The following C13orf46 variants were observed in gnomAD, a reference collection of about 807,000 sequenced individuals.
The protein encoded by C13orf46 is chromosome 13 open reading frame 46, also known as uncharacterized protein C13orf46.
the C13orf46 span, among the ~76,000 whole-genome samples, chr13:113,935,665 A>C: frequency 6.6e-6 from 1 of 152,234 alleles, no homozygotes; most frequent in African/African-American, 2.4e-5. Flanking sequence ...CGGGTTACCC[A>C]CGGCAACCAT....
the C13orf46 span, among the ~76,000 whole-genome samples, chr13:113,936,507 C>A: frequency 1.3e-5 from 2 of 152,216 alleles, no homozygotes; most frequent in African/African-American, 4.8e-5. Flanking sequence ...CCCTTCCTCC[C>A]AGCACAGCCC....
At chr13:113,945,498 C>G in the C13orf46 span, among the ~76,000 whole-genome samples, 1 of 150,352 alleles carries the variant, frequency 6.7e-6, no homozygotes, top group Non-Finnish European at 1.5e-5. Flanking sequence ...TGAGCCGAGA[C>G]TGCGCCACTG....
At chr13:113,966,438 G>A (rs936953481) in intron 5 of C13orf46, among the ~76,000 whole-genome samples, 1 of 150,986 alleles carries the variant, frequency 6.6e-6, no homozygotes. Context: ...TGATGGTGAT[G>A]GTATTAATGG....
rs1227166805 is a variant in C13orf46, at chr13:113,953,934, T to C, written c.*2839A>G. On this transcript the variant is annotated 3_prime_UTR_variant, in exon 7 of 7. Coordinates refer to ENST00000636427, the MANE Select transcript of C13orf46 (RefSeq NM_001365455.2). ...CCATTTCCGGTTGTCTGGGAAATGA[T>C]GACTCTGGGGCCGATGGGCACTTAT... 6.6e-6 allele frequency: 1 copy of C among 152,302 alleles called. No individual in the cohort carries two copies. 9.4% of individuals were successfully genotyped at this position (152,302 alleles called of 1,614,324 possible). A position where few individuals can be genotyped will look rare whatever the true frequency, so the allele number is the denominator to read the frequency against.
the C13orf46 span, chr13:113,927,892 CAT>C: frequency 1.5e-5 from 5 of 333,698 alleles, no homozygotes; most frequent in East Asian, 4.4e-5. Flanking sequence ...CTCTTGGAAA[CAT>C]GTGCATGTGG....
At chr13:113,951,974 G>A (rs962515786), downstream of C13orf46, among the ~76,000 whole-genome samples, 1,115 of 152,320 alleles carry the variant, frequency 7.3e-3, 10 homozygotes, top group African/African-American at 0.022. Context: ...TATATGCACA[G>A]GGATTGAATA....
the C13orf46 span, among the ~76,000 whole-genome samples, chr13:113,945,621 AAAG>A: frequency 2.4e-5 from 3 of 122,788 alleles, no homozygotes; most frequent in African/African-American, 6.1e-5. Flanking sequence ...AGAAAGAAAG[AAAG>A]AAAGAAAGAA....
At chr13:113,940,169 T>C in the C13orf46 span, among the ~76,000 whole-genome samples, 2 of 152,186 alleles carry the variant, frequency 1.3e-5, no homozygotes, top group African/African-American at 2.4e-5. Flanking sequence ...CGCATTTGGC[T>C]CCTCTTACTA....
chr13:113,938,779 C>T, the C13orf46 span, among the ~76,000 whole-genome samples: 2 of 152,194 alleles, frequency 1.3e-5, no homozygotes, highest in African/African-American at 4.8e-5. Flanking sequence ...TCTCTCAACA[C>T]ACAGCTCTTT....
chr13:113,971,239 C>T (rs147042490), intron 1 of C13orf46, among the ~76,000 whole-genome samples: 5 of 152,350 alleles, frequency 3.3e-5, no homozygotes, highest in African/African-American at 1.2e-4. Flanking sequence ...GATTCCAAAG[C>T]TTTAAATGAT....
At chr13:113,940,279 G>C in the C13orf46 span, among the ~76,000 whole-genome samples, 25 of 152,354 alleles carry the variant, frequency 1.6e-4, no homozygotes, top group South Asian at 8.3e-4. Context: ...TAGACCCTGC[G>C]GTGCTGCCGC....
chr13:113,930,430 G>A, the C13orf46 span, among the ~76,000 whole-genome samples: 4 of 148,062 alleles, frequency 2.7e-5, no homozygotes, highest in African/African-American at 1.0e-4. Context: ...AGGCGGGGGC[G>A]CGGGAGCACT....
In C13orf46 at chr13:113,955,664, GGAGTAGTGTCTGGCAGAGAC is replaced by G; in HGVS notation, c.*1089_*1108del. ...GAGGAGTAGTGTCTGGCAGAGACAA[GGAGTAGTGTCTGGCAGAGAC>G]GAGGAGTAGTGTCTGGCGGAGAGGA... On this transcript the variant is annotated 3_prime_UTR_variant, in exon 7 of 7. Coordinates refer to ENST00000636427, the MANE Select transcript of C13orf46 (RefSeq NM_001365455.2). The G allele has an allele frequency of 6.5e-6, 1 of 153,608 alleles. No individual in the cohort carries two copies. Among genetic ancestry groups the G allele is most frequent in the Admixed American group, 6.7e-5 (1 of 14,896 alleles). 9.5% of individuals were successfully genotyped at this position (153,608 alleles called of 1,614,324 possible). A position where few individuals can be genotyped will look rare whatever the true frequency, so the allele number is the denominator to read the frequency against.
chr13:113,929,602 G>A, the C13orf46 span, among the ~76,000 whole-genome samples: 2 of 152,252 alleles, frequency 1.3e-5, no homozygotes, highest in East Asian at 3.9e-4. Context: ...CCCAGGCTGT[G>A]CAGTGCTGGT....
downstream of C13orf46, among the ~76,000 whole-genome samples, chr13:113,952,380 C>T (rs1187197563): frequency 6.6e-6 from 1 of 151,300 alleles, no homozygotes; most frequent in East Asian, 1.9e-4. Flanking sequence ...GTGTGGCTGC[C>T]GCTCCCGCCT....
At chr13:113,944,241 G>A in the C13orf46 span, among the ~76,000 whole-genome samples, 2 of 151,980 alleles carry the variant, frequency 1.3e-5, no homozygotes, top group Admixed American at 1.3e-4. Context: ...GGAGATGGAT[G>A]CAGAGAAGCT....
chr13:113,940,428 G>A, the C13orf46 span, among the ~76,000 whole-genome samples: 10 of 152,242 alleles, frequency 6.6e-5, no homozygotes, highest in Admixed American at 3.3e-4. Flanking sequence ...GGGGCTCTGC[G>A]TGAGGATGGG....
At chr13:113,959,876 G>A (rs1056940014) in intron 6 of C13orf46, among the ~76,000 whole-genome samples, 1 of 152,204 alleles carries the variant, frequency 6.6e-6, no homozygotes, top group Non-Finnish European at 1.5e-5. Flanking sequence ...TCATGATAAG[G>A]TTTATGAAAA....
the C13orf46 span, among the ~76,000 whole-genome samples, chr13:113,945,575 AAGAG>A: frequency 2.6e-4 from 23 of 89,142 alleles, 1 homozygote; most frequent in Non-Finnish European, 3.0e-4. Flanking sequence ...GAAAGAAAGA[AAGAG>A]AGAGAGAGAG....
Sources: gnomAD v4.1 joint callset for allele counts (sites outside exome capture counted in the v4.1 genomes callset) on GRCh38, gnomAD v4.1.1 for gene constraint, MANE v1.5 for transcripts, NCBI Gene and HGNC (gene_info 2026-07-23, HGNC 2026-07-21) for gene names.